AGBL1: variants seen among roughly 807,000 people sequenced by gnomAD.
AGBL1 encodes the protein cytosolic carboxypeptidase 4.
Under a neutral mutation model 118.9 loss-of-function variants are expected in AGBL1, and 130 were observed. The observed-to-expected ratio is 1.09, with a 90% CI of 0.95 to 1.26. AGBL1 has a LOEUF of 1.26. AGBL1 is among the 50% of genes most tolerant of loss of function. The pLI is 0.00. For missense variants in AGBL1, 1,584 were observed against 1,298.1 expected (o/e 1.22, Z -3.38); for synonymous variants, 555 against 478.9 (o/e 1.16, Z -2.08).
intron 23 of AGBL1, among the ~76,000 whole-genome samples, chr15:86,966,838 C>T (rs1281075553): frequency 6.6e-6 from 1 of 152,064 alleles, no homozygotes; most frequent in Non-Finnish European, 1.5e-5. Context: ...TGGGTATATA[C>T]CCAGTAATGG....
intron 24 of AGBL1, among the ~76,000 whole-genome samples, chr15:86,991,479 A>G (rs931016115): frequency 6.6e-6 from 1 of 151,686 alleles, no homozygotes; most frequent in Non-Finnish European, 1.5e-5. Context: ...TTTGGTTTGC[A>G]AAATGCTTAG....
intron 5 of AGBL1, among the ~76,000 whole-genome samples, chr15:86,208,555 C>T (rs1239484768): frequency 5.3e-5 from 8 of 152,014 alleles, no homozygotes; most frequent in Admixed American, 4.6e-4. Context: ...TGGGAGGGTG[C>T]ATATGTCCAG....
chr15:86,671,809 A>T (rs1272490430), intron 21 of AGBL1, among the ~76,000 whole-genome samples: 1 of 152,108 alleles, frequency 6.6e-6, no homozygotes, highest in Admixed American at 6.6e-5. Flanking sequence ...CTCCACGTCC[A>T]CTCATTTAGA....
intron 23 of AGBL1, among the ~76,000 whole-genome samples, chr15:86,931,390 G>A (rs796506851): frequency 2.0e-5 from 3 of 152,208 alleles, no homozygotes; most frequent in African/African-American, 7.2e-5. Context: ...TCCTTGCTTG[G>A]CGCCTTGCAG....
chr15:86,672,502 T>A (rs1233626364), intron 21 of AGBL1, among the ~76,000 whole-genome samples: 1 of 152,176 alleles, frequency 6.6e-6, no homozygotes, highest in East Asian at 1.9e-4. Context: ...TGTATGCGAG[T>A]GCTCCTGCCC....
intron 1 of AGBL1, among the ~76,000 whole-genome samples, chr15:86,111,261 G>T (rs1897363817): frequency 6.6e-6 from 1 of 152,250 alleles, no homozygotes; most frequent in Non-Finnish European, 1.5e-5. Context: ...CTGGGAATGG[G>T]AGAAAGGTGG....
At chr15:86,536,172 CA>C (rs765450271) in intron 19 of AGBL1, among the ~76,000 whole-genome samples, 13 of 152,188 alleles carry the variant, frequency 8.5e-5, no homozygotes, top group East Asian at 7.7e-4. Context: ...TTTACTGACA[CA>C]AAAAAACTAC....
chr15:86,295,250 T>C lies in AGBL1; in HGVS notation c.2221-5T>C, dbSNP rs749728262. Reference sequence around the variant, plus strand: ...ATATACATGCCTGCTTTATTTCTGCTCCAGACTCATCTTGACATCCTGGAA... The same window carrying C: ...ATATACATGCCTGCTTTATTTCTGCCCCAGACTCATCTTGACATCCTGGAA... On this transcript the variant is annotated splice_region_variant and splice_polypyrimidine_tract_variant and intron_variant, in intron 16 of 22. Transcript: ENST00000614907. 28 of 1,613,262 alleles carry C rather than the reference T, an allele frequency of 1.7e-5. No individual in the cohort carries two copies. Among genetic ancestry groups the C allele is most frequent in the Non-Finnish European group, 2.1e-5 (25 of 1,179,594 alleles).
At chr15:87,016,026 A>G (rs1456597206) in intron 24 of AGBL1, among the ~76,000 whole-genome samples, 1 of 152,200 alleles carries the variant, frequency 6.6e-6, no homozygotes, top group African/African-American at 2.4e-5. Flanking sequence ...GAGCTAATAA[A>G]TGACTTTATT....
intron 18 of AGBL1, among the ~76,000 whole-genome samples, chr15:86,489,814 AG>A (rs2082757481): frequency 6.6e-6 from 1 of 152,124 alleles, no homozygotes; most frequent in African/African-American, 2.4e-5. Context: ...TTCGTTCAGC[AG>A]GGGGCACATC....
intron 17 of AGBL1, among the ~76,000 whole-genome samples, chr15:86,353,102 G>T (rs542611530): frequency 2.6e-5 from 4 of 152,282 alleles, no homozygotes; most frequent in Non-Finnish European, 5.9e-5. Flanking sequence ...TGACCAAAAC[G>T]TTTAGATGTG....
In AGBL1 at chr15:86,720,178, G is replaced by A. The variant is rs8034581; in HGVS notation, c.3158+45742G>A. ...GGGCAATCAATCCTGTGACATCTTC[G>A]CTTGGATAACTCAGACTTAACCTGA... On this transcript the variant is annotated intron_variant, in intron 22 of 22. Transcript: ENST00000614907. Among the ~76,000 whole-genome samples the A allele has an allele frequency of 9.2e-3, 1,397 of 152,172 alleles. 20 individuals carry two copies. The highest frequency in any genetic ancestry group is 0.032 in the African/African-American group (1,314 of 41,512).
chr15:86,401,768 G>A (rs1219499873), intron 18 of AGBL1, among the ~76,000 whole-genome samples: 1 of 152,012 alleles, frequency 6.6e-6, no homozygotes, highest in Non-Finnish European at 1.5e-5. Flanking sequence ...TTAAGTATTG[G>A]CTTTATTTCT....
At chr15:86,379,643 T>A (rs74662826) in intron 17 of AGBL1, among the ~76,000 whole-genome samples, 6,568 of 152,302 alleles carry the variant, frequency 0.043, 286 homozygotes, top group East Asian at 0.21. Context: ...AGATAGGGAC[T>A]ATTGTTTTCC....
downstream of AGBL1, among the ~76,000 whole-genome samples, chr15:86,920,477 C>G (rs1343056223): frequency 6.6e-6 from 1 of 152,156 alleles, no homozygotes; most frequent in Non-Finnish European, 1.5e-5. Context: ...GGAGTGAAAT[C>G]TCATCATAGT....
intron 18 of AGBL1, among the ~76,000 whole-genome samples, chr15:86,454,931 A>G (rs2082241642): frequency 6.6e-6 from 1 of 152,200 alleles, no homozygotes. Flanking sequence ...AGCAAAACTA[A>G]TGCATGTTTG....
In AGBL1 at chr15:86,914,925, C is replaced by T. The variant is rs1282425298; in HGVS notation, c.*7631C>T. The T allele has an allele frequency of 2.6e-5, 4 of 152,206 alleles. No homozygotes were observed. The highest frequency in any genetic ancestry group is 4.4e-5 in the Non-Finnish European group (3 of 68,042). 9.4% of individuals were successfully genotyped at this position (152,206 alleles called of 1,614,324 possible). Reference sequence around the variant, plus strand: ...GCATAACTTCCTGCTCCTTTTCAAACTCAACAGGTTCAAAGTCAAAATCTC... The same window carrying T: ...GCATAACTTCCTGCTCCTTTTCAAATTCAACAGGTTCAAAGTCAAAATCTC... On this transcript the variant is annotated 3_prime_UTR_variant, in exon 23 of 23. Coordinates refer to ENST00000614907, the MANE Select transcript of AGBL1 (RefSeq NM_001386094.1).
intron 22 of AGBL1, among the ~76,000 whole-genome samples, chr15:86,785,989 T>C (rs1322929476): frequency 6.6e-6 from 1 of 152,038 alleles, no homozygotes; most frequent in Non-Finnish European, 1.5e-5. Flanking sequence ...GATATAGGAG[T>C]GTATCAGGTA....
intron 22 of AGBL1, among the ~76,000 whole-genome samples, chr15:86,878,035 T>C (rs1460653364): frequency 6.6e-6 from 1 of 152,202 alleles, no homozygotes; most frequent in East Asian, 1.9e-4. Context: ...AAACTGCGTC[T>C]GTTCTGGAAC....
Sources: gnomAD v4.1 joint callset for allele counts (sites outside exome capture counted in the v4.1 genomes callset) on GRCh38, gnomAD v4.1.1 for gene constraint, MANE v1.5 for transcripts, NCBI Gene and HGNC (gene_info 2026-07-23, HGNC 2026-07-21) for gene names.